The following MTUS1 variants were observed in gnomAD, a reference collection of about 807,000 sequenced individuals.
MTUS1 encodes the protein microtubule associated scaffold protein 1, also known as microtubule-associated tumor suppressor 1.
Under a neutral mutation model 120.8 loss-of-function variants are expected in MTUS1, and 109 were observed. The ratio of observed to expected loss-of-function variants is 0.90; its 90% CI spans 0.77 to 1.06. The LOEUF is 1.06. MTUS1 is among the 50% of genes least tolerant of loss of function. The probability of loss-of-function intolerance (pLI) is 0.00; values close to 1 mark genes in which losing one functional copy is unlikely to be tolerated. For synonymous variants in MTUS1, 737 were observed against 550.5 expected (o/e 1.34, Z -4.74); for missense variants, 2,210 against 1,486.3 (o/e 1.49, Z -8.01).
chr8:17,676,011 T>C, intron 7 of MTUS1: 1 of 506,120 alleles, frequency 2.0e-6, no homozygotes, highest in Non-Finnish European at 3.6e-6. Context: ...TTACATACAG[T>C]TCCTTAAAAG....
chr8:17,750,353 G>A (rs1387512056), intron 2 of MTUS1, among the ~76,000 whole-genome samples: 1 of 152,176 alleles, frequency 6.6e-6, no homozygotes. Flanking sequence ...ATCTCCCAGA[G>A]AAAAATCTTC....
chr8:17,725,907 G>A (rs553806648), intron 3 of MTUS1, among the ~76,000 whole-genome samples: 7 of 152,258 alleles, frequency 4.6e-5, no homozygotes, highest in East Asian at 1.9e-4. Context: ...GATGGTGATC[G>A]TAGTTTCAAT....
intron 7 of MTUS1, among the ~76,000 whole-genome samples, chr8:17,680,940 T>TC (rs1814339848): frequency 6.7e-6 from 1 of 150,146 alleles, no homozygotes; most frequent in South Asian, 2.2e-4. Flanking sequence ...TTGCTTTTTT[T>TC]CTTTTTTTTT....
intron 1 of MTUS1, among the ~76,000 whole-genome samples, chr8:17,764,091 A>C (rs751848462): frequency 6.6e-6 from 1 of 152,228 alleles, no homozygotes; most frequent in East Asian, 1.9e-4. Flanking sequence ...TTTGGTGGGG[A>C]AAGAACAGTG....
At chr8:17,763,937 G>A (rs935801409) in intron 1 of MTUS1, among the ~76,000 whole-genome samples, 5 of 151,516 alleles carry the variant, frequency 3.3e-5, no homozygotes, top group South Asian at 2.1e-4. Context: ...GTGTGGAAAC[G>A]TGTTAAAGAT....
intron 2 of MTUS1, among the ~76,000 whole-genome samples, chr8:17,745,289 G>A (rs1308445038): frequency 2.6e-5 from 4 of 152,134 alleles, no homozygotes; most frequent in South Asian, 4.1e-4. Context: ...TCTCTTATAT[G>A]AAATGGTGTA....
At position 17,654,773 on chromosome 8, in the gene MTUS1, G is replaced by A. The variant is rs1807838406; in HGVS notation, c.3109-107C>T. The A allele has an allele frequency of 4.0e-6, 3 of 751,894 alleles. No individual in the cohort carries two copies. In the East Asian group the frequency reaches 7.8e-5, roughly 20 times the overall value. 46.6% of individuals were successfully genotyped at this position (751,894 alleles called of 1,614,324 possible). On this transcript the variant is annotated intron_variant, in intron 9 of 14. Coordinates refer to ENST00000693296, the MANE Select transcript of MTUS1 (RefSeq NM_001363059.2). ...ACGTCACAGCTTCACAGGTAAGCGT[G>A]GGCTCTAGTTTAAAGGCTCCTCAAC...
intron 6 of MTUS1, among the ~76,000 whole-genome samples, chr8:17,689,028 A>T (rs1316594390): frequency 6.6e-6 from 1 of 152,112 alleles, no homozygotes; most frequent in Admixed American, 6.5e-5. Flanking sequence ...TGGCTAACAC[A>T]GTGAAACCCC....
chr8:17,703,981 C>T (rs145372306), intron 6 of MTUS1: 1 of 152,358 alleles, frequency 6.6e-6, no homozygotes, highest in Non-Finnish European at 1.5e-5. Context: ...GGTTTCGCGG[C>T]TTAGGTGGAC....
rs371465315 is a variant in MTUS1, at chr8:17,754,418, T to C, written c.1390A>G (p.Ile464Val). ...ACAGGTGCCTCCTTCGAGTCTGGTA[T>C]GTTTTTAAGCCCTCGATTACCCTTC... Reference protein sequence around the residue: ...VEKGNRGLKNIPDSKEAPVNL... With the variant: ...VEKGNRGLKNVPDSKEAPVNL... Residue 464 changes from isoleucine to valine, a missense_variant, in exon 2 of 15, where the codon ATA (isoleucine) becomes GTA (valine). Coordinates refer to ENST00000693296, the MANE Select transcript of MTUS1 (RefSeq NM_001363059.2). 1.5e-5 allele frequency: 25 copies of C among 1,614,120 alleles called. No homozygotes were observed. The African/African-American group carries it at 1.7e-4, about 11-fold the overall frequency.
chr8:17,738,718 A>C (rs188273544), intron 3 of MTUS1, among the ~76,000 whole-genome samples: 10 of 152,286 alleles, frequency 6.6e-5, no homozygotes, highest in Non-Finnish European at 1.3e-4. Flanking sequence ...AGCAGCATTA[A>C]TTTTCAATAG....
chr8:17,694,362 T>C (rs942545269), intron 6 of MTUS1, among the ~76,000 whole-genome samples: 1 of 152,162 alleles, frequency 6.6e-6, no homozygotes, highest in African/African-American at 2.4e-5. Flanking sequence ...TCAGGACAAG[T>C]AATGATTCAA....
At position 17,680,464 on chromosome 8, in the gene MTUS1, C is replaced by CAAAA. The variant is rs58490523; in HGVS notation, c.2838+3860_2838+3863dup. 3.3e-3 allele frequency among the ~76,000 whole-genome samples: 80 copies of CAAAA among 24,250 alleles called. 6 individuals are homozygous for CAAAA. The highest frequency in any genetic ancestry group is 5.8e-3 in the Non-Finnish European group (67 of 11,590). The allele number at this position is 24,250 out of a possible 152,430, so 15.9% of individuals were successfully genotyped here. A position where few individuals can be genotyped will look rare whatever the true frequency, so the allele number is the denominator to read the frequency against. On this transcript the variant is annotated intron_variant, in intron 7 of 14. Coordinates refer to ENST00000693296, the MANE Select transcript of MTUS1 (RefSeq NM_001363059.2). ...GGGTGACAGAGCAAGGCCACTGTCG[C>CAAAA]AAAAAAAAAAAAAAAAAAAAAAAAA...
At chr8:17,786,869 C>T (rs995761444) in intron 1 of MTUS1, among the ~76,000 whole-genome samples, 1 of 152,218 alleles carries the variant, frequency 6.6e-6, no homozygotes, top group Non-Finnish European at 1.5e-5. Flanking sequence ...GGCCACAGTA[C>T]ATCAGTTCTT....
intron 1 of MTUS1, among the ~76,000 whole-genome samples, chr8:17,786,007 G>A (rs778849986): frequency 6.6e-6 from 1 of 152,118 alleles, no homozygotes; most frequent in Non-Finnish European, 1.5e-5. Flanking sequence ...AGCCATGGTG[G>A]CACATGCCCA....
chr8:17,712,395 G>A (rs941950268), intron 6 of MTUS1, among the ~76,000 whole-genome samples: 3 of 151,904 alleles, frequency 2.0e-5, no homozygotes, highest in Non-Finnish European at 4.4e-5. Context: ...GGAGTGCAGT[G>A]GTGTAATCTA....
intron 14 of MTUS1, among the ~76,000 whole-genome samples, chr8:17,646,566 CAGAAGAGTG>C (rs1176195776): frequency 1.3e-5 from 2 of 152,134 alleles, no homozygotes; most frequent in East Asian, 3.9e-4. Flanking sequence ...CCAGCCTGGG[CAGAAGAGTG>C]AGACCTCATC....
intron 1 of MTUS1, among the ~76,000 whole-genome samples, chr8:17,792,728 G>C (rs1458707852): frequency 2.6e-5 from 4 of 152,224 alleles, no homozygotes; most frequent in African/African-American, 9.6e-5. Context: ...TCCAGGCGCG[G>C]TGGCGCATAC....
chr8:17,765,710 A>AATG (rs2131407611), intron 1 of MTUS1, among the ~76,000 whole-genome samples: 1 of 151,094 alleles, frequency 6.6e-6, no homozygotes, highest in South Asian at 2.1e-4. Context: ...ACACACACAC[A>AATG]CACACACAAA....
Sources: gnomAD v4.1 joint callset for allele counts (sites outside exome capture counted in the v4.1 genomes callset) on GRCh38, gnomAD v4.1.1 for gene constraint, MANE v1.5 for transcripts, NCBI Gene and HGNC (gene_info 2026-07-23, HGNC 2026-07-21) for gene names.